SIGLEC1: variants seen among roughly 807,000 people sequenced by gnomAD.
SIGLEC1 encodes the protein sialic acid binding Ig like lectin 1, also known as sialoadhesin.
Under a neutral mutation model 148.0 loss-of-function variants are expected in SIGLEC1, and 132 were observed. That is an observed-to-expected ratio of 0.89 (90% CI 0.77 to 1.03). The LOEUF (loss-of-function observed/expected upper bound fraction) is 1.03. Ranked by LOEUF, SIGLEC1 falls within the 50% of genes least tolerant of loss-of-function variation. The pLI is 0.00. For missense variants in SIGLEC1, 2,253 were observed against 2,271.4 expected (o/e 0.99, Z 0.16); for synonymous variants, 945 against 969.0 (o/e 0.98, Z 0.46).
chr20:3,705,503 T>C (rs534446107), intron 4 of SIGLEC1, among the ~76,000 whole-genome samples: 10 of 152,160 alleles, frequency 6.6e-5, no homozygotes, highest in Non-Finnish European at 1.3e-4. Flanking sequence ...TGTCTCCCTT[T>C]CTCTGCCCAG....
chr20:3,696,129 T>TATATATATATATATATACAC (rs11087599), intron 11 of SIGLEC1, among the ~76,000 whole-genome samples: 6 of 142,516 alleles, frequency 4.2e-5, no homozygotes, highest in African/African-American at 1.6e-4. Context: ...ACTATATATA[T>TATATATATATATATATACAC]ACACACACAC....
Position 3,692,725 on chromosome 20 carries a change from G to A in SIGLEC1, c.3826C>T (p.Pro1276Ser), listed in dbSNP as rs760454913. ...GGGTCCGCACAGGTCACTGTGATGG[G>A]GGCACCTTCAGGCACGGCAGCCTCC... ...APEAAVPEGA[P>S]ITVTCADPAA... The change falls in exon 16 of 22, where the codon CCC becomes TCC. Residue 1276 changes from proline (P) to serine (S), a missense_variant. Transcript: ENST00000344754. 5.0e-6 allele frequency: 8 copies of A among 1,612,304 alleles called. No homozygotes were observed. In the Admixed American group the frequency reaches 1.0e-4, roughly 20 times the overall value.
intron 13 of SIGLEC1, 129 bp downstream of exon 13, chr20:3,694,092 C>G (rs991026418): frequency 9.7e-6 from 10 of 1,034,848 alleles, no homozygotes; most frequent in Non-Finnish European, 1.4e-5. Context: ...AGTCCACCAT[C>G]GTTAGGAAGG....
At chr20:3,697,748 C>T in intron 9 of SIGLEC1, 50 bp downstream of exon 9, 3 of 1,560,536 alleles carry the variant, frequency 1.9e-6, no homozygotes, top group Non-Finnish European at 2.6e-6. Context: ...GCAGAACAGT[C>T]CAGAGCTCCA....
At chr20:3,697,759 GCC>G (rs1169424769) in intron 9 of SIGLEC1, 37 bp downstream of exon 9, 17 of 1,584,662 alleles carry the variant, frequency 1.1e-5, no homozygotes, top group East Asian at 6.7e-5. Context: ...CAGAGCTCCA[GCC>G]CCTGCCCCCA....
chr20:3,702,240 G>T (rs1436766703), intron 6 of SIGLEC1, among the ~76,000 whole-genome samples: 1 of 152,170 alleles, frequency 6.6e-6, no homozygotes, highest in Non-Finnish European at 1.5e-5. Flanking sequence ...GGCTACAAAA[G>T]ACAGTATTAG....
intron 14 of SIGLEC1, 30 bp downstream of exon 14, chr20:3,693,417 G>C (rs3827110): frequency 0.1 from 156,364 of 1,533,190 alleles, 9,191 homozygotes; most frequent in African/African-American, 0.24. Flanking sequence ...TCATTCCTGT[G>C]AGTCCCACCC....
rs2087896945 is a variant in SIGLEC1, at chr20:3,706,551, C to T, written c.205G>A (p.Val69Met). The change falls in exon 3 of 22, where the codon GTG (valine) becomes ATG (methionine). Residue 69 changes from valine (V) to methionine (M), a missense_variant. By Grantham distance (21) the Val-to-Met change is conservative (BLOSUM62 1). Coordinates refer to ENST00000344754, the MANE Select transcript of SIGLEC1 (RefSeq NM_023068.4). ...TTGGGGTCCGCCGAGTGGCTCACCA[C>T]CTGCCGCTGGCCCGAGTAGTCGTAG... is the stretch of plus-strand genomic sequence containing the variant. The part of the protein sequence containing the change: ...WYYDYSGQRQ[V>M]VSHSADPKLV... 2 of 1,612,984 alleles carry T rather than the reference C, an allele frequency of 1.2e-6. No individual in the cohort carries two copies. The highest frequency in any genetic ancestry group is 2.2e-5 in the East Asian group (1 of 44,880).
chr20:3,712,192 T>TAGGGGC (rs1940631215), intron 1 of SIGLEC1, among the ~76,000 whole-genome samples: 2 of 141,090 alleles, frequency 1.4e-5, no homozygotes, highest in South Asian at 5.0e-4. Context: ...AAGGTTGGAA[T>TAGGGGC]AGGGGCTGGG....
chr20:3,703,851 G>A lies in SIGLEC1; in HGVS notation c.947C>T (p.Ser316Leu). Reference protein sequence around the residue: ...QAENGVGSLVSPPISLHIFMA... With the variant: ...QAENGVGSLVLPPISLHIFMA... ...GAAGATGTGGAGGCTGATGGGGGGT[G>A]AGACCAAAGAGCCCACGCCGTTCTC... Residue 316 changes from serine (S) to leucine (L), a missense_variant, in exon 5 of 22, where the codon TCA becomes TTA. By Grantham distance (145) the Ser-to-Leu change is moderately radical (BLOSUM62 -2). Coordinates refer to ENST00000344754, the MANE Select transcript of SIGLEC1 (RefSeq NM_023068.4). The A allele has an allele frequency of 6.2e-7, 1 of 1,614,060 alleles. No homozygotes were observed. Among genetic ancestry groups the A allele is most frequent in the Non-Finnish European group, 8.5e-7 (1 of 1,180,026 alleles).
chr20:3,700,360 T>C (rs2087841008), intron 7 of SIGLEC1, among the ~76,000 whole-genome samples: 1 of 151,496 alleles, frequency 6.6e-6, no homozygotes, highest in Non-Finnish European at 1.5e-5. Flanking sequence ...TCAGGTGATC[T>C]GCCTGCCTCG....
intron 14 of SIGLEC1, 53 bp downstream of exon 14, chr20:3,693,394 C>T (rs1313495398): frequency 6.6e-7 from 1 of 1,520,978 alleles, no homozygotes; most frequent in Non-Finnish European, 8.8e-7. Flanking sequence ...GCCGTGATCC[C>T]TGTGGGCTTC....
intron 21 of SIGLEC1, 98 bp from the exon 22 acceptor site, chr20:3,688,717 G>C: frequency 1.1e-6 from 1 of 898,024 alleles, no homozygotes. Flanking sequence ...GGATTGGTGG[G>C]AGTGTGCATG....
At position 3,706,457 on chromosome 20, in the gene SIGLEC1, A is replaced by G. The variant is rs1253388355; in HGVS notation, c.299T>C (p.Leu100Pro). Residue 100 changes from leucine (L) to proline (P), a missense_variant, in exon 3 of 22, where the codon CTG (leucine) becomes CCG (proline). By Grantham distance (98) the Leu-to-Pro change is moderately conservative (BLOSUM62 -3). Coordinates refer to ENST00000344754, the MANE Select transcript of SIGLEC1 (RefSeq NM_023068.4). ...CTCGGGCTGCAGGTCCTTCAGCAGC[A>G]GGTTGCACACCCTGTGCTCGGGGTT... is the stretch of plus-strand genomic sequence containing the variant. ...MGNPEHRVCN[L>P]LLKDLQPEDS... 1.9e-6 allele frequency: 3 copies of G among 1,613,982 alleles called. No homozygotes were observed. Among genetic ancestry groups the G allele is most frequent in the African/African-American group, 2.7e-5 (2 of 74,946 alleles).
At position 3,690,176 on chromosome 20, in the gene SIGLEC1, C is replaced by A. The variant is rs145129138; in HGVS notation, c.4680G>T (p.Pro1560=). Residue 1560 remains proline (P), a synonymous_variant, in exon 19 of 22, where the codon CCG becomes CCT. Coordinates refer to ENST00000344754, the MANE Select transcript of SIGLEC1 (RefSeq NM_023068.4). ...CAAGGTGGAGAGTCAGGCTGGCGAG[C>A]GGCTCGCTGTCCACTCGGCAATCCA... ...GILDCRVDSE[P]LASLTLHLGS... is the part of the protein sequence containing the mutation. 3.2e-6 allele frequency: 5 copies of A among 1,577,424 alleles called. No individual in the cohort carries two copies. The highest frequency in any genetic ancestry group is 1.2e-5 in the South Asian group (1 of 86,220).
In SIGLEC1 at chr20:3,703,322, T is replaced by C; in HGVS notation, c.1103A>G (p.Glu368Gly). The C allele has an allele frequency of 6.2e-7, 1 of 1,614,134 alleles. No homozygotes were observed. Among genetic ancestry groups the C allele is most frequent in the Non-Finnish European group, 8.5e-7 (1 of 1,179,992 alleles). ...YSWYKNHVLL[E>G]DAHSHTLRLH... is the part of the protein sequence containing the mutation. The stretch of plus-strand genomic sequence containing the variant: ...CCGGAGGGTATGGGAGTGGGCATCC[T>C]CCAGCAGGACATGGTTCTTGTACCA... Residue 368 changes from glutamate (E) to glycine (G), a missense_variant, in exon 6 of 22, where the codon GAG (glutamate) becomes GGG (glycine). Transcript: ENST00000344754.
rs145810514 is a variant in SIGLEC1, at chr20:3,697,149, G to A, written c.2316C>T (p.Tyr772=). The A allele has an allele frequency of 1.4e-4, 222 of 1,613,740 alleles. No individual in the cohort carries two copies. The highest frequency in any genetic ancestry group is 7.6e-4 in the South Asian group (69 of 91,082). ...CAGCCTCAGTCAGGATGCGGCAGGC[G>A]TAAAGGGCAGCATCAGTTCTGGCCA... ...LPVARTDAAL[Y]ACRILTEAGA... The change falls in exon 10 of 22, where the codon TAC becomes TAT. Residue 772 remains tyrosine (Y), a synonymous_variant. Transcript: ENST00000344754.
Position 3,703,894 on chromosome 20 carries a change from C to T in SIGLEC1, c.904G>A (p.Val302Ile), listed in dbSNP as rs201660736. 2.1e-5 allele frequency: 34 copies of T among 1,613,952 alleles called. No individual in the cohort carries two copies. Among genetic ancestry groups the T allele is most frequent in the African/African-American group, 1.1e-4 (8 of 75,006 alleles). Residue 302 changes from valine (V) to isoleucine (I), a missense_variant, in exon 5 of 22, where the codon GTC (valine) becomes ATC (isoleucine). Transcript: ENST00000344754. The part of the protein sequence containing the change: ...LPQAAWSDAG[V>I]YTCQAENGVG... ...CCGTTCTCAGCTTGGCAGGTGTAGA[C>T]GCCAGCATCGCTCCAGGCTGCCTGG...
chr20:3,696,141 A>AC (rs371507046), intron 11 of SIGLEC1, among the ~76,000 whole-genome samples: 4,799 of 145,102 alleles, frequency 0.033, 105 homozygotes, highest in Non-Finnish European at 0.05. Context: ...CACACACACA[A>AC]ACACACACAC....
Sources: allele counts gnomAD v4.1 joint callset (sites outside exome capture counted in the v4.1 genomes callset), GRCh38; gene constraint gnomAD v4.1.1; transcripts MANE v1.5; gene names NCBI Gene and HGNC (gene_info 2026-07-23, HGNC 2026-07-21).